Variants in USP43 observed in about 807,000 individuals in gnomAD.
USP43 encodes ubiquitin specific peptidase 43.
Under a neutral mutation model 90.7 loss-of-function variants are expected in USP43, and 33 were observed. The observed-to-expected ratio is 0.36, with a 90% confidence interval of 0.28 to 0.49. The LOEUF (loss-of-function observed/expected upper bound fraction) is 0.49, where lower values mean the gene tolerates loss of function less well. USP43 is among the 20% of genes least tolerant of loss of function. The pLI, the probability that USP43 is intolerant of heterozygous loss-of-function variation, is 0.98. For missense variants in USP43, 1,274 were observed against 1,476.4 expected, an observed-to-expected ratio of 0.86 and a Z score of 2.25; for synonymous variants, 598 against 615.8, an observed-to-expected ratio of 0.97 and a Z score of 0.43.
chr17:9,718,228 T>C (rs553376103), intron 14 of USP43, among the ~76,000 whole-genome samples: 1 of 152,252 alleles, frequency 6.6e-6, no homozygotes, highest in Admixed American at 6.5e-5. Context: ...TACGGGAAAA[T>C]TGGTTTAGTT....
At chr17:9,677,025 G>A (rs558468315) in intron 5 of USP43, 144 bp downstream of exon 5, 37 of 1,069,764 alleles carry the variant, frequency 3.5e-5, no homozygotes, top group Middle Eastern at 6.4e-4. Flanking sequence ...AATGCCTGCT[G>A]TCTGGGATGA....
At chr17:9,692,330 G>A (rs939681587) in intron 8 of USP43, among the ~76,000 whole-genome samples, 1 of 152,174 alleles carries the variant, frequency 6.6e-6, no homozygotes, top group African/African-American at 2.4e-5. Context: ...CTGCACTCCA[G>A]CCTGGGCGAC....
intron 14 of USP43, among the ~76,000 whole-genome samples, chr17:9,727,617 A>C (rs999517584): frequency 1.3e-5 from 2 of 152,110 alleles, no homozygotes; most frequent in Non-Finnish European, 2.9e-5. Context: ...ATTCCGTTTC[A>C]TAGGAATATT....
intron 14 of USP43, among the ~76,000 whole-genome samples, chr17:9,718,025 TC>T (rs202093696): frequency 0.031 from 4,733 of 152,088 alleles, 96 homozygotes; most frequent in African/African-American, 0.047. Flanking sequence ...CTCGATCTCT[TC>T]ATCTCGTGAT....
At chr17:9,714,448 G>C (rs1032990805) in intron 14 of USP43, among the ~76,000 whole-genome samples, 1 of 152,098 alleles carries the variant, frequency 6.6e-6, no homozygotes, top group African/African-American at 2.4e-5. Flanking sequence ...TTGGGAGGCC[G>C]AGGTGGGCAG....
At chr17:9,710,977 C>T (rs1183496044) in intron 13 of USP43, among the ~76,000 whole-genome samples, 1 of 150,972 alleles carries the variant, frequency 6.6e-6, no homozygotes, top group Non-Finnish European at 1.5e-5. Flanking sequence ...AGAAAATGGC[C>T]AAATAAATCC....
At chr17:9,673,159 A>T (rs1018262999) in intron 3 of USP43, among the ~76,000 whole-genome samples, 1 of 152,186 alleles carries the variant, frequency 6.6e-6, no homozygotes, top group African/African-American at 2.4e-5. Context: ...TTGGAAGAAT[A>T]TGGTGCATTA....
chr17:9,671,196 G>C (rs1011529013), intron 3 of USP43, among the ~76,000 whole-genome samples: 1 of 152,192 alleles, frequency 6.6e-6, no homozygotes, highest in Non-Finnish European at 1.5e-5. Context: ...GTTATTCTAT[G>C]TGATTATCAT....
rs550472740 is a variant in USP43 at position 9,728,685 on chromosome 17, G to A, written c.3067G>A (p.Val1023Ile). ...RAEVSPQVPP[V>I]SLVSGGLSPA... The stretch of plus-strand genomic sequence containing the variant: ...AGAGGTCTCTCCACAGGTGCCCCCC[G>A]TCTCCCTGGTGAGTGGCGGGCTGAG... Residue 1023 changes from valine to isoleucine, a missense_variant, in exon 15 of 15, where the codon GTC becomes ATC. This residue lies in a region of USP43 where 353 missense variants were observed against 329.7 expected (regional missense o/e 1.07). Coordinates refer to ENST00000285199, the MANE Select transcript of USP43 (RefSeq NM_153210.5). This position sits in a 1 kb window ranked among gnomAD's most constrained non-coding sequence, Gnocchi z 6.2. 8.1e-6 allele frequency: 13 copies of A among 1,612,260 alleles called. No homozygotes were observed. In the Admixed American group the frequency reaches 8.4e-5, roughly 10 times the overall value.
At chr17:9,652,225 A>G (rs565878053) in intron 1 of USP43, among the ~76,000 whole-genome samples, 16 of 149,150 alleles carry the variant, frequency 1.1e-4, no homozygotes, top group East Asian at 3.9e-4. Context: ...AAAAAAAAAA[A>G]AAAAGAAAAG....
Position 9,682,329 on chromosome 17 carries a change from A to G in USP43, c.1106-494A>G, listed in dbSNP as rs569338321. Among the ~76,000 whole-genome samples the G allele has an allele frequency of 5.3e-4, 81 of 152,336 alleles. 1 individual carries two copies. Among genetic ancestry groups the G allele is most frequent in the African/African-American group, 1.9e-3 (77 of 41,580 alleles). On this transcript the variant is annotated intron_variant, in intron 6 of 14. Transcript: ENST00000285199. ...ACGCCTGAAATCCCAACACTTTGGG[A>G]GGCCAAGGCAGGAGGATCACTTGAG...
chr17:9,646,475 A>G (rs112603294), intron 1 of USP43, among the ~76,000 whole-genome samples: 1,959 of 152,232 alleles, frequency 0.013, 50 homozygotes, highest in African/African-American at 0.045. Context: ...CCAGTCTGGA[A>G]TGATGTGGGG....
chr17:9,652,844 A>G (rs998885804), intron 1 of USP43, among the ~76,000 whole-genome samples: 9 of 152,232 alleles, frequency 5.9e-5, no homozygotes, highest in Non-Finnish European at 1.0e-4. Context: ...CCATTATTCT[A>G]TGATAACCAT....
Position 9,728,472 on chromosome 17 carries a change from G to T in USP43, c.2854G>T (p.Ala952Ser). 1 of 1,613,646 alleles carries T rather than the reference G, an allele frequency of 6.2e-7. No individual in the cohort carries two copies. The highest frequency in any genetic ancestry group is 8.5e-7 in the Non-Finnish European group (1 of 1,179,734). The change falls in exon 15 of 15, where the codon GCC becomes TCC. Residue 952 changes from alanine (A) to serine (S), a missense_variant. Physicochemically the swap from Ala to Ser is moderately conservative, Grantham distance 99 (BLOSUM62 1). This residue lies in a region of USP43 where 353 missense variants were observed against 329.7 expected (regional missense o/e 1.07). Transcript: ENST00000285199. The surrounding 1 kb of genome is among the most constrained non-coding windows in gnomAD (Gnocchi z 6.2). ...ACCAGCTCGACCGGAGGGCCAGAAG[G>T]CCATGAACTGGAAGGAGAGCTTCCA... is the stretch of plus-strand genomic sequence containing the variant. ...EKPARPEGQK[A>S]MNWKESFQMG...
chr17:9,665,538 C>T (rs954374038), intron 2 of USP43, among the ~76,000 whole-genome samples: 6 of 152,080 alleles, frequency 3.9e-5, no homozygotes, highest in African/African-American at 1.4e-4. Flanking sequence ...ATGGGGGAAC[C>T]GCCCCCATGA....
At chr17:9,670,183 C>A (rs142938882) in intron 3 of USP43, among the ~76,000 whole-genome samples, 1 of 151,948 alleles carries the variant, frequency 6.6e-6, no homozygotes, top group Non-Finnish European at 1.5e-5. Flanking sequence ...GGACTACAGG[C>A]GTGTGCCACC....
intron 9 of USP43, 64 bp downstream of exon 9, chr17:9,693,294 G>C: frequency 7.6e-7 from 1 of 1,313,092 alleles, no homozygotes; most frequent in Non-Finnish European, 1.1e-6. Context: ...AGAGTCCTTT[G>C]AGGGTATATG....
intron 2 of USP43, among the ~76,000 whole-genome samples, chr17:9,662,820 CTTT>C (rs758792118): frequency 3.6e-5 from 5 of 140,774 alleles, no homozygotes; most frequent in Non-Finnish European, 3.1e-5. Flanking sequence ...TATATGATCT[CTTT>C]TTTTTTTTTT....
intron 2 of USP43, among the ~76,000 whole-genome samples, chr17:9,665,057 C>A (rs9914278): frequency 6.6e-6 from 1 of 152,058 alleles, no homozygotes; most frequent in African/African-American, 2.4e-5. Context: ...ATAACAGGGC[C>A]TTAATCAAAA....
Sources: gnomAD v4.1 joint callset for allele counts (sites outside exome capture counted in the v4.1 genomes callset) on GRCh38, gnomAD v4.1.1 for gene constraint, gnomAD v4.1.1 regional missense constraint, Gnocchi (gnomAD v3.1) non-coding constraint, MANE v1.5 for transcripts, NCBI Gene and HGNC (gene_info 2026-07-23, HGNC 2026-07-21) for gene names.